The following ZBTB20 variants were observed in gnomAD, a reference collection of about 807,000 sequenced individuals.
ZBTB20 encodes zinc finger and BTB domain containing 20.
In ZBTB20, 9 loss-of-function variants were observed where a neutral mutation model predicts 56.9. The observed-to-expected ratio is 0.16, with a 90% CI of 0.10 to 0.28. ZBTB20 has a LOEUF of 0.28. Among genes scored for constraint, ZBTB20 ranks in the 10% least tolerant of loss-of-function variants. The pLI, the probability that ZBTB20 is intolerant of heterozygous loss-of-function variation, is 1.00. For missense variants in ZBTB20, 655 were observed against 1,003.0 expected (o/e 0.65, Z 4.69); for synonymous variants, 417 against 420.7 (o/e 0.99, Z 0.11).
chr3:114,345,156 T>G (rs759650725), intron 11 of ZBTB20, among the ~76,000 whole-genome samples: 1 of 152,346 alleles, frequency 6.6e-6, no homozygotes, highest in African/African-American at 2.4e-5. Context: ...AATTTTCTTT[T>G]ATTTATTTTA....
chr3:114,450,076 T>C (rs1413551786), intron 7 of ZBTB20, among the ~76,000 whole-genome samples: 6 of 152,202 alleles, frequency 3.9e-5, no homozygotes, highest in Non-Finnish European at 7.3e-5. Context: ...CTCTATGATA[T>C]TTAGAAAGGT....
Position 114,503,229 on chromosome 3 carries a change from T to A in ZBTB20, c.-294-2838A>T, listed in dbSNP as rs181903757. Among the ~76,000 whole-genome samples the A allele has an allele frequency of 1.9e-3, 288 of 152,288 alleles. 2 individuals are homozygous for A. The highest frequency in any genetic ancestry group is 6.5e-3 in the African/African-American group (272 of 41,556). Reference sequence around the variant, plus strand: ...CAAAATGGAGAGAAAAATTACAGTGTGTATGTCACAGTCTAAAACAAATTA... The same window carrying A: ...CAAAATGGAGAGAAAAATTACAGTGAGTATGTCACAGTCTAAAACAAATTA... On this transcript the variant is annotated intron_variant, in intron 6 of 11. Coordinates refer to ENST00000675478, the MANE Select transcript of ZBTB20 (RefSeq NM_001348800.3).
chr3:114,927,386 T>A (rs149490623), intron 3 of ZBTB20, among the ~76,000 whole-genome samples: 23 of 152,334 alleles, frequency 1.5e-4, no homozygotes, highest in African/African-American at 5.5e-4. Flanking sequence ...TGGGCACATG[T>A]TATCAAAACC....
At chr3:114,838,160 A>C (rs1442940456) in intron 4 of ZBTB20, among the ~76,000 whole-genome samples, 2 of 152,214 alleles carry the variant, frequency 1.3e-5, no homozygotes, top group Non-Finnish European at 2.9e-5. Context: ...GGCCTCATGA[A>C]TCAAAGGCAG....
At chr3:114,808,734 A>C (rs1239968520) in intron 4 of ZBTB20, among the ~76,000 whole-genome samples, 1 of 151,742 alleles carries the variant, frequency 6.6e-6, no homozygotes, top group African/African-American at 2.4e-5. Flanking sequence ...ATTTAGTTTT[A>C]TGTTTATATC....
chr3:114,723,617 G>A lies in ZBTB20; in HGVS notation c.-342-30042C>T, dbSNP rs111889545. Among the ~76,000 whole-genome samples, 90 of 152,216 alleles carry A rather than the reference G, an allele frequency of 5.9e-4. 1 individual carries two copies. Among genetic ancestry groups the A allele is most frequent in the African/African-American group, 2.0e-3 (82 of 41,530 alleles). ...CCACTCCAGGCCACACTCACAGATC[G>A]GAATCTCTAGGTTTTAGACACAAGA... is the stretch of plus-strand genomic sequence containing the variant. On this transcript the variant is annotated intron_variant, in intron 5 of 11. Coordinates refer to ENST00000675478, the MANE Select transcript of ZBTB20 (RefSeq NM_001348800.3).
chr3:114,753,386 T>C (rs985157173), intron 5 of ZBTB20, among the ~76,000 whole-genome samples: 2,349 of 25,354 alleles, frequency 0.093, 570 homozygotes, highest in Admixed American at 0.17. Flanking sequence ...TATATACACA[T>C]ACATGTATGT....
intron 6 of ZBTB20, among the ~76,000 whole-genome samples, chr3:114,616,480 C>G (rs1372154462): frequency 1.3e-5 from 2 of 152,148 alleles, no homozygotes; most frequent in East Asian, 3.9e-4. Flanking sequence ...GATCTGGGTG[C>G]CAGTCATCTT....
chr3:114,362,191 T>C (rs2081962313), intron 10 of ZBTB20, among the ~76,000 whole-genome samples: 1 of 152,178 alleles, frequency 6.6e-6, no homozygotes, highest in African/African-American at 2.4e-5. Flanking sequence ...CACCTGAACT[T>C]CCTATACATG....
chr3:114,745,420 T>A (rs560166469), intron 5 of ZBTB20, among the ~76,000 whole-genome samples: 2 of 152,148 alleles, frequency 1.3e-5, no homozygotes, highest in African/African-American at 4.8e-5. Context: ...GAGTTCCTCT[T>A]ACACATAAGG....
At chr3:115,116,769 A>G (rs2084033125) in intron 1 of ZBTB20, among the ~76,000 whole-genome samples, 1 of 152,018 alleles carries the variant, frequency 6.6e-6, no homozygotes, top group Non-Finnish European at 1.5e-5. Context: ...AAAGAGATTA[A>G]CTGTTCAAAA....
intron 4 of ZBTB20, among the ~76,000 whole-genome samples, chr3:114,820,186 A>G (rs2073158809): frequency 6.6e-6 from 1 of 151,976 alleles, no homozygotes; most frequent in African/African-American, 2.4e-5. Context: ...TCCTCAGAGT[A>G]GGAGAAATAA....
chr3:114,756,991 T>G (rs538940118), intron 5 of ZBTB20, among the ~76,000 whole-genome samples: 1 of 152,270 alleles, frequency 6.6e-6, no homozygotes, highest in South Asian at 2.1e-4. Context: ...TTTTGTTGCT[T>G]TTCCCCTCAG....
intron 3 of ZBTB20, among the ~76,000 whole-genome samples, chr3:114,918,700 T>G (rs573340052): frequency 6.6e-5 from 10 of 152,314 alleles, no homozygotes; most frequent in African/African-American, 1.9e-4. Context: ...AAGACTCTAC[T>G]TGGTGCCCTA....
intron 6 of ZBTB20, among the ~76,000 whole-genome samples, chr3:114,649,337 G>C (rs924852962): frequency 3.3e-5 from 5 of 151,934 alleles, no homozygotes; most frequent in Non-Finnish European, 5.9e-5. Context: ...TCCAGTTCTT[G>C]AGAAGCTGTT....
At chr3:114,559,912 T>G (rs554455633) in intron 6 of ZBTB20, among the ~76,000 whole-genome samples, 2 of 152,292 alleles carry the variant, frequency 1.3e-5, no homozygotes, top group African/African-American at 2.4e-5. Flanking sequence ...TTTGTAGCAT[T>G]CTTAGCTTAA....
intron 7 of ZBTB20, among the ~76,000 whole-genome samples, chr3:114,419,837 G>A (rs1294963359): frequency 6.6e-6 from 1 of 152,104 alleles, no homozygotes; most frequent in Non-Finnish European, 1.5e-5. Flanking sequence ...CCCTTATTAT[G>A]AATGTGGGAA....
chr3:114,395,032 A>T (rs1403047213), intron 7 of ZBTB20, among the ~76,000 whole-genome samples: 1 of 152,200 alleles, frequency 6.6e-6, no homozygotes, highest in East Asian at 1.9e-4. Flanking sequence ...TGAGAAATTC[A>T]ATGAGCTTTA....
At chr3:114,783,939 T>TAGGAGTCA (rs2070304767) in intron 5 of ZBTB20, among the ~76,000 whole-genome samples, 1 of 152,130 alleles carries the variant, frequency 6.6e-6, no homozygotes, top group Admixed American at 6.6e-5. Flanking sequence ...AAAAACCACA[T>TAGGAGTCA]AGGAGTCACA....
Sources: allele counts gnomAD v4.1 joint callset (sites outside exome capture counted in the v4.1 genomes callset), GRCh38; gene constraint gnomAD v4.1.1; transcripts MANE v1.5; gene names NCBI Gene and HGNC (gene_info 2026-07-23, HGNC 2026-07-21).